Variants in ARB2A observed in about 807,000 individuals in gnomAD.
The protein encoded by ARB2A is cotranscriptional regulator ARB2A.
chr5:93,792,842 A>G, the ARB2A span, among the ~76,000 whole-genome samples: 1 of 152,196 alleles, frequency 6.6e-6, no homozygotes, highest in East Asian at 1.9e-4. Flanking sequence ...CTAAAACTTA[A>G]AGTATAATAA....
the ARB2A span, among the ~76,000 whole-genome samples, chr5:93,958,337 T>C: frequency 6.6e-6 from 1 of 152,052 alleles, no homozygotes; most frequent in African/African-American, 2.4e-5. Context: ...TGAGATTAAT[T>C]CAAAGTAGCA....
chr5:93,972,163 G>A, the ARB2A span, among the ~76,000 whole-genome samples: 7 of 152,104 alleles, frequency 4.6e-5, no homozygotes, highest in African/African-American at 1.7e-4. Context: ...CTGGGGGAGG[G>A]TGCTTTTCAT....
the ARB2A span, among the ~76,000 whole-genome samples, chr5:93,669,265 C>A: frequency 1.3e-5 from 2 of 152,102 alleles, no homozygotes; most frequent in African/African-American, 4.8e-5. Context: ...CACAAAGTAC[C>A]TTTTTAAAAG....
At chr5:93,971,468 G>T in the ARB2A span, among the ~76,000 whole-genome samples, 1 of 151,876 alleles carries the variant, frequency 6.6e-6, no homozygotes, top group African/African-American at 2.4e-5. Context: ...TTGGGAGGCT[G>T]AGGCAGGAGA....
chr5:93,828,146 G>C, the ARB2A span, among the ~76,000 whole-genome samples: 1 of 152,146 alleles, frequency 6.6e-6, no homozygotes, highest in South Asian at 2.1e-4. Context: ...TTGGTAGCTT[G>C]ATGGGGATGG....
At chr5:93,838,166 T>C in the ARB2A span, among the ~76,000 whole-genome samples, 2 of 152,220 alleles carry the variant, frequency 1.3e-5, no homozygotes, top group African/African-American at 4.8e-5. Context: ...TTAATCCATC[T>C]TAAATTGATC....
the ARB2A span, among the ~76,000 whole-genome samples, chr5:93,693,156 A>G: frequency 6.6e-6 from 1 of 152,204 alleles, no homozygotes; most frequent in Non-Finnish European, 1.5e-5. Flanking sequence ...GAGAAGCAAG[A>G]GCAAACAAAT....
chr5:93,784,627 G>C, the ARB2A span: 1 of 642,172 alleles, frequency 1.6e-6, no homozygotes, highest in Non-Finnish European at 2.6e-6. Flanking sequence ...CTGGTTCAAA[G>C]TTACTCTTTT....
chr5:93,852,498 C>T, the ARB2A span, among the ~76,000 whole-genome samples: 1 of 152,078 alleles, frequency 6.6e-6, no homozygotes, highest in African/African-American at 2.4e-5. Flanking sequence ...GTTGCCATTG[C>T]TTTTGGTGTT....
chr5:93,648,239 GATTT>G, the ARB2A span, among the ~76,000 whole-genome samples: 1 of 151,084 alleles, frequency 6.6e-6, no homozygotes, highest in Admixed American at 6.6e-5. Context: ...TCTTTTATAA[GATTT>G]ATTTTATTTC....
the ARB2A span, among the ~76,000 whole-genome samples, chr5:93,710,918 T>A: frequency 3.3e-5 from 5 of 152,188 alleles, no homozygotes; most frequent in Admixed American, 2.6e-4. Flanking sequence ...CACCTTACAC[T>A]TTTTGGTGCT....
chr5:93,782,007 T>C, the ARB2A span: 1 of 860,502 alleles, frequency 1.2e-6, no homozygotes, highest in South Asian at 5.3e-5. Context: ...ATCCTGAGAG[T>C]TTGGAAACAC....
At chr5:94,087,690 C>T in the ARB2A span, among the ~76,000 whole-genome samples, 1 of 152,202 alleles carries the variant, frequency 6.6e-6, no homozygotes. Context: ...GGCCTGCAAG[C>T]TCCATTAAGT....
At chr5:94,048,333 G>A in the ARB2A span, among the ~76,000 whole-genome samples, 1 of 152,078 alleles carries the variant, frequency 6.6e-6, no homozygotes, top group East Asian at 1.9e-4. Flanking sequence ...TATTACAGGC[G>A]TGAGCCACCA....
the ARB2A span, among the ~76,000 whole-genome samples, chr5:93,676,170 G>T: frequency 1.3e-5 from 2 of 151,964 alleles, no homozygotes; most frequent in Non-Finnish European, 2.9e-5. Flanking sequence ...ATGGAGAAGG[G>T]GGTCAAGAAA....
chr5:93,699,952 C>T, the ARB2A span, among the ~76,000 whole-genome samples: 2 of 151,908 alleles, frequency 1.3e-5, no homozygotes, highest in African/African-American at 4.8e-5. Context: ...AGTTAGACAC[C>T]TGGAGATTCT....
chr5:94,098,378 A>G, the ARB2A span, among the ~76,000 whole-genome samples: 1 of 152,230 alleles, frequency 6.6e-6, no homozygotes, highest in African/African-American at 2.4e-5. Context: ...ATGCTCCCAA[A>G]TGACTTCTGG....
chr5:93,914,481 T>A, the ARB2A span, among the ~76,000 whole-genome samples: 1 of 151,956 alleles, frequency 6.6e-6, no homozygotes, highest in Non-Finnish European at 1.5e-5. Flanking sequence ...TGTGAGTGCT[T>A]GATTAAATAG....
the ARB2A span, among the ~76,000 whole-genome samples, chr5:94,062,029 T>C: frequency 3.3e-5 from 5 of 152,210 alleles, no homozygotes; most frequent in South Asian, 1.0e-3. Flanking sequence ...GTTAACTTAC[T>C]ATATAGCTAC....
Sources: gnomAD v4.1 joint callset for allele counts (sites outside exome capture counted in the v4.1 genomes callset) on GRCh38, gnomAD v4.1.1 for gene constraint, MANE v1.5 for transcripts, NCBI Gene and HGNC (gene_info 2026-07-23, HGNC 2026-07-21) for gene names.